Variants in RNF216 observed in about 807,000 individuals in gnomAD.
The protein encoded by RNF216 is ring finger protein 216, also known as E3 ubiquitin-protein ligase RNF216.
RNF216 carries 72 observed loss-of-function variants against 110.8 expected under a neutral mutation model. The ratio of observed to expected loss-of-function variants is 0.65; its 90% CI spans 0.54 to 0.79. RNF216 has a LOEUF of 0.79. Ranked by LOEUF, RNF216 falls within the 30% of genes least tolerant of loss-of-function variation. The pLI, the probability that RNF216 is intolerant of heterozygous loss-of-function variation, is 0.00. For synonymous variants in RNF216, 495 were observed against 407.5 expected (o/e 1.21, Z -2.59); for missense variants, 1,342 against 1,141.2 (o/e 1.18, Z -2.54).
rs1786411182 is a variant in RNF216, at chr7:5,622,219, A to T, written c.*641T>A. 6.6e-6 allele frequency: 1 copy of T among 152,410 alleles called. No homozygotes were observed. Among genetic ancestry groups the T allele is most frequent in the Non-Finnish European group, 1.5e-5 (1 of 68,194 alleles). The allele number at this position is 152,410 out of a possible 1,614,324, so 9.4% of individuals were successfully genotyped here. On this transcript the variant is annotated 3_prime_UTR_variant, in exon 17 of 17. Transcript: ENST00000389902. ...GACTTTCCAGAGACCGAGGATGAGA[A>T]AGTTAGGCGGCAACAGAACAAAACC...
intron 1 of RNF216, chr7:5,779,908 A>T (rs1484083516): frequency 6.6e-6 from 1 of 151,662 alleles, no homozygotes; most frequent in Admixed American, 6.6e-5. Flanking sequence ...CTACATCTAA[A>T]ACGCCACTGT....
At chr7:5,665,322 C>A (rs1180839450) in intron 13 of RNF216, among the ~76,000 whole-genome samples, 2 of 152,150 alleles carry the variant, frequency 1.3e-5, no homozygotes, top group African/African-American at 4.8e-5. Context: ...AAGCCTCCCC[C>A]ACCTCACTCC....
chr7:5,648,404 A>G (rs1335659386), intron 14 of RNF216, among the ~76,000 whole-genome samples: 1 of 150,942 alleles, frequency 6.6e-6, no homozygotes, highest in Non-Finnish European at 1.5e-5. Flanking sequence ...ACTGTGCCTG[A>G]TTAGATCTAA....
chr7:5,693,235 C>T (rs917352008), intron 13 of RNF216, among the ~76,000 whole-genome samples: 6 of 152,156 alleles, frequency 3.9e-5, no homozygotes, highest in Non-Finnish European at 8.8e-5. Flanking sequence ...GTTACTTTCA[C>T]GCTATAAAGG....
chr7:5,710,198 A>G (rs963335073), intron 13 of RNF216, among the ~76,000 whole-genome samples: 11 of 152,144 alleles, frequency 7.2e-5, no homozygotes, highest in African/African-American at 2.4e-4. Flanking sequence ...CATCTCTACT[A>G]AAAATATAAA....
At chr7:5,734,513 T>C (rs1486863531) in intron 5 of RNF216, among the ~76,000 whole-genome samples, 1 of 152,150 alleles carries the variant, frequency 6.6e-6, no homozygotes, top group Non-Finnish European at 1.5e-5. Flanking sequence ...TATTATATTC[T>C]ATAATAACCA....
chr7:5,643,417 G>A lies in RNF216; in HGVS notation c.2160-2041C>T, dbSNP rs559510314. On this transcript the variant is annotated intron_variant, in intron 14 of 16. Coordinates refer to ENST00000389902, the MANE Select transcript of RNF216 (RefSeq NM_207111.4). The stretch of plus-strand genomic sequence containing the variant: ...ACACAGCCCCGCAGGATGTGCTCCC[G>A]GGGCAGGACAGGAAGAGAAGCCGGA... Among the ~76,000 whole-genome samples the A allele has an allele frequency of 7.3e-5, 11 of 151,340 alleles. No individual in the cohort carries two copies. The South Asian group carries it at 1.3e-3, about 17-fold the overall frequency.
intron 15 of RNF216, among the ~76,000 whole-genome samples, chr7:5,637,960 C>T (rs1371243994): frequency 6.6e-6 from 1 of 152,228 alleles, no homozygotes; most frequent in East Asian, 1.9e-4. Context: ...ATTCTTGTGC[C>T]TCAGGCTCCC....
intron 13 of RNF216, among the ~76,000 whole-genome samples, chr7:5,695,792 G>A (rs1245418748): frequency 6.6e-6 from 1 of 152,186 alleles, no homozygotes; most frequent in Non-Finnish European, 1.5e-5. Flanking sequence ...TTCTTCCCTT[G>A]CTTTGCCTGT....
intron 5 of RNF216, chr7:5,732,821 G>A (rs559395710): frequency 6.6e-6 from 1 of 152,332 alleles, no homozygotes; most frequent in Admixed American, 6.5e-5. Context: ...GATCTGACAT[G>A]CTAGCAGTTC....
intron 15 of RNF216, among the ~76,000 whole-genome samples, chr7:5,638,054 C>T (rs150057973): frequency 0.018 from 2,708 of 152,284 alleles, 36 homozygotes; most frequent in Non-Finnish European, 0.029. Flanking sequence ...CTCTCCTTTG[C>T]CGCAGTCCCC....
intron 7 of RNF216, among the ~76,000 whole-genome samples, chr7:5,728,077 A>T (rs956764047): frequency 7.2e-5 from 11 of 152,152 alleles, no homozygotes; most frequent in Admixed American, 2.6e-4. Context: ...CCCAGACTGA[A>T]TTCGTGATTA....
intron 8 of RNF216, among the ~76,000 whole-genome samples, chr7:5,723,510 G>A (rs1371979298): frequency 2.6e-5 from 4 of 151,976 alleles, no homozygotes; most frequent in East Asian, 1.9e-4. Context: ...AGCCGGACTC[G>A]GTGGCGGGCA....
chr7:5,691,255 C>A (rs1312692671), intron 13 of RNF216, among the ~76,000 whole-genome samples: 1 of 152,230 alleles, frequency 6.6e-6, no homozygotes, highest in Non-Finnish European at 1.5e-5. Flanking sequence ...CCTCGCCACT[C>A]GGGCCGACGG....
rs747232763 is a variant in RNF216 at position 5,741,170 on chromosome 7, C to A, written c.847G>T (p.Gly283Trp). 27 of 1,614,020 alleles carry A rather than the reference C, an allele frequency of 1.7e-5. No homozygotes were observed. The East Asian group carries it at 5.1e-4, about 31-fold the overall frequency. Residue 283 changes from glycine (G) to tryptophan (W), a missense_variant, in exon 4 of 17, where the codon GGG becomes TGG. By Grantham distance (184) the Gly-to-Trp change is radical. Transcript: ENST00000389902. The stretch of plus-strand genomic sequence containing the variant: ...TGAGGAGAAGAGGGGCCTGAAATCC[C>A]ACCTTGCTGGGGTTCCGGCCTTGGA... ...AFPRPEPQQGGISGPSSPQPA... is the reference protein window; with the variant it reads ...AFPRPEPQQGWISGPSSPQPA...
intron 1 of RNF216, chr7:5,777,697 T>A (rs866759021): frequency 3.4e-4 from 52 of 152,334 alleles, no homozygotes; most frequent in African/African-American, 1.3e-3. Flanking sequence ...AACTTTAATA[T>A]GTGGACAAAA....
intron 13 of RNF216, among the ~76,000 whole-genome samples, chr7:5,656,393 G>A (rs1788744266): frequency 6.6e-6 from 1 of 152,170 alleles, no homozygotes; most frequent in Non-Finnish European, 1.5e-5. Context: ...GGCCATTTTG[G>A]AAGGCAAAGT....
intron 1 of RNF216, among the ~76,000 whole-genome samples, chr7:5,770,222 G>A (rs1796425785): frequency 6.6e-6 from 1 of 151,706 alleles, no homozygotes; most frequent in Admixed American, 6.6e-5. Context: ...AGCACTTTCG[G>A]AGGCCAAGGT....
At chr7:5,764,700 T>C (rs772656158) in intron 1 of RNF216, among the ~76,000 whole-genome samples, 1 of 150,526 alleles carries the variant, frequency 6.6e-6, no homozygotes. Flanking sequence ...AGTAATAAAA[T>C]ATGATCTTTA....
Sources: allele counts gnomAD v4.1 joint callset (sites outside exome capture counted in the v4.1 genomes callset), GRCh38; gene constraint gnomAD v4.1.1; transcripts MANE v1.5; gene names NCBI Gene and HGNC (gene_info 2026-07-23, HGNC 2026-07-21).